The following GALNT13 variants were observed in gnomAD, a reference collection of about 807,000 sequenced individuals.
The protein encoded by GALNT13 is UDP-GalNAc:polypeptide N-acetylgalactosaminyltransferase 13.
In GALNT13, 28 loss-of-function variants were observed where a neutral mutation model predicts 64.2. The observed-to-expected ratio is 0.44, with a 90% CI of 0.32 to 0.60. The LOEUF (loss-of-function observed/expected upper bound fraction) is 0.60. GALNT13 is among the 20% of genes least tolerant of loss of function. The pLI is 0.05. For synonymous variants in GALNT13, 214 were observed against 224.6 expected, an observed-to-expected ratio of 0.95 and a Z score of 0.42; for missense variants, 577 against 669.8, an observed-to-expected ratio of 0.86 and a Z score of 1.53.
the GALNT13 span, among the ~76,000 whole-genome samples, chr2:153,698,647 A>G: frequency 6.6e-6 from 1 of 152,164 alleles, no homozygotes; most frequent in Non-Finnish European, 1.5e-5. Flanking sequence ...ACAGTGGGAG[A>G]CTTTAACATC....
chr2:153,966,223 T>TC (rs1553460790), intron 3 of GALNT13, among the ~76,000 whole-genome samples: 33 of 149,978 alleles, frequency 2.2e-4, no homozygotes, highest in African/African-American at 5.8e-4. Flanking sequence ...GGATTTCTTT[T>TC]TTTTTTTTTT....
At chr2:154,082,394 A>G (rs1701314940) in intron 3 of GALNT13, among the ~76,000 whole-genome samples, 1 of 151,594 alleles carries the variant, frequency 6.6e-6, no homozygotes, top group Admixed American at 6.6e-5. Context: ...TTGATTATTG[A>G]TTCTGTTGAT....
At chr2:154,188,167 G>A (rs2105747772) in intron 4 of GALNT13, among the ~76,000 whole-genome samples, 1 of 152,168 alleles carries the variant, frequency 6.6e-6, no homozygotes, top group Non-Finnish European at 1.5e-5. Flanking sequence ...TTGAACAGAT[G>A]TACAAATGTC....
At chr2:153,727,336 T>G in the GALNT13 span, among the ~76,000 whole-genome samples, 1 of 152,284 alleles carries the variant, frequency 6.6e-6, no homozygotes, top group African/African-American at 2.4e-5. Flanking sequence ...TCATTCATTC[T>G]CATTGTTGTA....
chr2:153,692,891 G>T, the GALNT13 span, among the ~76,000 whole-genome samples: 1 of 152,126 alleles, frequency 6.6e-6, no homozygotes, highest in Admixed American at 6.5e-5. Flanking sequence ...AACTCATGGG[G>T]TTGCTATTGT....
chr2:153,629,003 A>G, the GALNT13 span, among the ~76,000 whole-genome samples: 4 of 151,996 alleles, frequency 2.6e-5, no homozygotes, highest in South Asian at 2.1e-4. Context: ...GTAAGCTATT[A>G]ATTATTGCCA....
At chr2:153,639,626 T>C in the GALNT13 span, among the ~76,000 whole-genome samples, 1 of 152,124 alleles carries the variant, frequency 6.6e-6, no homozygotes, top group South Asian at 2.1e-4. Flanking sequence ...GGAAGAATTC[T>C]CTGAAAGTGC....
chr2:154,174,245 T>C (rs1685525201), intron 4 of GALNT13, among the ~76,000 whole-genome samples: 2 of 152,132 alleles, frequency 1.3e-5, no homozygotes, highest in Admixed American at 1.3e-4. Context: ...TCAGAGTGTT[T>C]TCAAATGCTT....
At chr2:154,132,077 C>T (rs1682650395) in intron 3 of GALNT13, among the ~76,000 whole-genome samples, 1 of 152,126 alleles carries the variant, frequency 6.6e-6, no homozygotes, top group East Asian at 1.9e-4. Flanking sequence ...TTGTGCCCAC[C>T]CAGATTGAGG....
chr2:154,278,779 A>T (rs1054206426), intron 8 of GALNT13, among the ~76,000 whole-genome samples: 1 of 152,136 alleles, frequency 6.6e-6, no homozygotes, highest in Non-Finnish European at 1.5e-5. Context: ...TAAGATGATA[A>T]GATAATTGGA....
the GALNT13 span, among the ~76,000 whole-genome samples, chr2:153,390,770 CT>C: frequency 2.0e-5 from 3 of 152,078 alleles, no homozygotes; most frequent in African/African-American, 7.2e-5. Flanking sequence ...CTATGGACCA[CT>C]TACGATTCCC....
chr2:154,007,926 A>G (rs2105238567), intron 3 of GALNT13, among the ~76,000 whole-genome samples: 1 of 152,140 alleles, frequency 6.6e-6, no homozygotes, highest in East Asian at 1.9e-4. Context: ...CTTGTATTCA[A>G]CGCAAAGATA....
chr2:153,903,932 G>C (rs558995242), intron 2 of GALNT13, among the ~76,000 whole-genome samples: 2 of 152,024 alleles, frequency 1.3e-5, no homozygotes, highest in Non-Finnish European at 2.9e-5. Flanking sequence ...CTTTCCATCA[G>C]TTTCCCGTGG....
At chr2:154,396,278 A>G (rs1574230428) in intron 10 of GALNT13, 148 bp downstream of exon 10, 11 of 475,548 alleles carry the variant, frequency 2.3e-5, no homozygotes, top group Admixed American at 8.5e-5. Context: ...TTCAAGGACC[A>G]TGAAGTCTTC....
chr2:153,124,986 A>T, the GALNT13 span, among the ~76,000 whole-genome samples: 1 of 152,212 alleles, frequency 6.6e-6, no homozygotes, highest in Non-Finnish European at 1.5e-5. Context: ...TTGTATTAAT[A>T]GCTTGCCCAA....
chr2:154,120,979 C>T (rs566971845), intron 3 of GALNT13, among the ~76,000 whole-genome samples: 1 of 152,220 alleles, frequency 6.6e-6, no homozygotes, highest in South Asian at 2.1e-4. Context: ...TTAGCATGGA[C>T]TTCCTGGAAA....
chr2:153,647,252 T>A, the GALNT13 span, among the ~76,000 whole-genome samples: 1 of 152,242 alleles, frequency 6.6e-6, no homozygotes, highest in Non-Finnish European at 1.5e-5. Flanking sequence ...GTTGGCTGCA[T>A]AAATGTCTTC....
the GALNT13 span, among the ~76,000 whole-genome samples, chr2:153,413,590 A>G: frequency 1.3e-5 from 2 of 152,158 alleles, no homozygotes; most frequent in African/African-American, 2.4e-5. Flanking sequence ...TGTAGGTTTC[A>G]GTTATATAAC....
chr2:153,811,024 T>C, the GALNT13 span, among the ~76,000 whole-genome samples: 1 of 152,188 alleles, frequency 6.6e-6, no homozygotes, highest in Non-Finnish European at 1.5e-5. Context: ...AAAATGCAGA[T>C]AATGCCCCTA....
Sources: allele counts gnomAD v4.1 joint callset (sites outside exome capture counted in the v4.1 genomes callset), GRCh38; gene constraint gnomAD v4.1.1; transcripts MANE v1.5; gene names NCBI Gene and HGNC (gene_info 2026-07-23, HGNC 2026-07-21).